ATP8A1: variants seen among roughly 807,000 people sequenced by gnomAD.
The protein encoded by ATP8A1 is phospholipid-transporting ATPase IA.
ATP8A1 carries 90 observed loss-of-function variants against 177.7 expected under a neutral mutation model. The ratio of observed to expected loss-of-function variants is 0.51; its 90% CI spans 0.43 to 0.60. ATP8A1 has a LOEUF of 0.60. Ranked by LOEUF, ATP8A1 falls within the 20% of genes least tolerant of loss-of-function variation. The probability of loss-of-function intolerance (pLI) is 0.00; values close to 1 mark genes in which losing one functional copy is unlikely to be tolerated. For synonymous variants in ATP8A1, 493 were observed against 485.9 expected (o/e 1.01, Z -0.19); for missense variants, 1,072 against 1,392.8 (o/e 0.77, Z 3.67).
intron 14 of ATP8A1, 66 bp downstream of exon 14, chr4:42,574,553 A>C: frequency 1.5e-6 from 2 of 1,335,238 alleles, no homozygotes; most frequent in Non-Finnish European, 2.1e-6. Flanking sequence ...AGAACTCCCA[A>C]ATGTACCAAA....
chr4:42,411,321 G>A lies in ATP8A1; in HGVS notation c.*1595C>T, dbSNP rs925523706. On this transcript the variant is annotated 3_prime_UTR_variant, in exon 37 of 37. Transcript: ENST00000381668. The stretch of plus-strand genomic sequence containing the variant: ...TTGAGAAAAAGGGTGAAAAGAATGT[G>A]AAAATATTAAACTCGAGAAGCGATC... The A allele has an allele frequency of 6.6e-6, 1 of 152,066 alleles. No individual in the cohort carries two copies. The highest frequency in any genetic ancestry group is 1.5e-5 in the Non-Finnish European group (1 of 68,006). 9.4% of individuals were successfully genotyped at this position (152,066 alleles called of 1,614,324 possible).
chr4:42,629,442 T>C (rs1375022551), intron 1 of ATP8A1, among the ~76,000 whole-genome samples: 2 of 152,214 alleles, frequency 1.3e-5, no homozygotes, highest in Non-Finnish European at 2.9e-5. Context: ...CGCTCTGTTG[T>C]GCCCTGACCA....
chr4:42,622,835 C>A (rs1012159260), intron 4 of ATP8A1, among the ~76,000 whole-genome samples: 4 of 151,990 alleles, frequency 2.6e-5, no homozygotes, highest in Admixed American at 6.6e-5. Context: ...CATGAAGAAA[C>A]CCTGTCAGTA....
intron 6 of ATP8A1, among the ~76,000 whole-genome samples, chr4:42,591,331 G>A (rs966863714): frequency 6.0e-5 from 9 of 150,236 alleles, no homozygotes; most frequent in Non-Finnish European, 7.4e-5. Context: ...GAAAAAAAAA[G>A]TATACTAGTC....
At chr4:42,450,525 T>C (rs979025439) in intron 30 of ATP8A1, among the ~76,000 whole-genome samples, 11 of 152,258 alleles carry the variant, frequency 7.2e-5, no homozygotes, top group African/African-American at 2.7e-4. Context: ...ACTAACTCAC[T>C]GTAATTCTCC....
intron 1 of ATP8A1, among the ~76,000 whole-genome samples, chr4:42,632,128 G>C (rs1738801718): frequency 1.3e-5 from 2 of 152,178 alleles, no homozygotes; most frequent in Admixed American, 1.3e-4. Flanking sequence ...GAATGGAACT[G>C]AGCAAGGATC....
At position 42,602,538 on chromosome 4, in the gene ATP8A1, C is replaced by T. The variant is rs550093097; in HGVS notation, c.410-2020G>A. Among the ~76,000 whole-genome samples the T allele has an allele frequency of 3.9e-5, 6 of 152,200 alleles. No homozygotes were observed. The East Asian group carries it at 7.7e-4, about 20-fold the overall frequency. ...CAGCACTTTGGGAGGCCGAGGTGAGCGGATCACCTGAGGTCAGGCGTTCGA... is the reference window on the plus strand; with the variant it reads ...CAGCACTTTGGGAGGCCGAGGTGAGTGGATCACCTGAGGTCAGGCGTTCGA... On this transcript the variant is annotated intron_variant, in intron 5 of 36. Transcript: ENST00000381668.
chr4:42,490,192 C>T (rs1427878668), intron 24 of ATP8A1, among the ~76,000 whole-genome samples: 2 of 152,186 alleles, frequency 1.3e-5, no homozygotes, highest in African/African-American at 2.4e-5. Flanking sequence ...ACCCACAGCA[C>T]CACACAGACA....
chr4:42,628,142 C>T (rs570068876), intron 1 of ATP8A1, among the ~76,000 whole-genome samples: 8 of 152,154 alleles, frequency 5.3e-5, no homozygotes, highest in East Asian at 3.9e-4. Context: ...CAATGTTTGC[C>T]GAATACATAT....
intron 1 of ATP8A1, among the ~76,000 whole-genome samples, chr4:42,630,231 G>A (rs576998464): frequency 6.6e-6 from 1 of 152,216 alleles, no homozygotes; most frequent in South Asian, 2.1e-4. Context: ...TTACCACCCT[G>A]CCCCAAAGAG....
intron 20 of ATP8A1, among the ~76,000 whole-genome samples, chr4:42,539,209 G>T (rs1394015177): frequency 6.6e-6 from 1 of 152,010 alleles, no homozygotes; most frequent in African/African-American, 2.4e-5. Context: ...TAAGCTATGA[G>T]GATGCAAAGA....
At chr4:42,633,701 G>A (rs777674632) in intron 1 of ATP8A1, among the ~76,000 whole-genome samples, 3 of 152,162 alleles carry the variant, frequency 2.0e-5, no homozygotes, top group African/African-American at 4.8e-5. Flanking sequence ...AGGACCCAGC[G>A]AGTAAATATG....
intron 1 of ATP8A1, among the ~76,000 whole-genome samples, chr4:42,656,042 A>G (rs1439119120): frequency 2.0e-5 from 3 of 152,214 alleles, no homozygotes; most frequent in Non-Finnish European, 4.4e-5. Context: ...TGCCTGCCAC[A>G]TGGCAGGCAG....
chr4:42,473,057 G>A (rs1720629362), intron 25 of ATP8A1, among the ~76,000 whole-genome samples: 1 of 152,140 alleles, frequency 6.6e-6, no homozygotes, highest in African/African-American at 2.4e-5. Context: ...AGATAGTAGT[G>A]GGATACTCTG....
chr4:42,551,923 T>A (rs1161727538), intron 17 of ATP8A1, among the ~76,000 whole-genome samples: 1 of 152,128 alleles, frequency 6.6e-6, no homozygotes, highest in African/African-American at 2.4e-5. Context: ...AAAGTTCTCA[T>A]CAAACTGACT....
chr4:42,475,379 T>G (rs942111289), intron 25 of ATP8A1, among the ~76,000 whole-genome samples: 1 of 151,948 alleles, frequency 6.6e-6, no homozygotes, highest in Non-Finnish European at 1.5e-5. Flanking sequence ...GACACAGCAT[T>G]GTTAACCACT....
chr4:42,560,651 C>A (rs1224983369), intron 15 of ATP8A1, among the ~76,000 whole-genome samples: 1 of 151,654 alleles, frequency 6.6e-6, no homozygotes, highest in Non-Finnish European at 1.5e-5. Flanking sequence ...AACACTTAAG[C>A]AAGCAGAATG....
At chr4:42,555,848 A>G in intron 16 of ATP8A1, 120 bp downstream of exon 16, 2 of 693,944 alleles carry the variant, frequency 2.9e-6, no homozygotes, top group South Asian at 4.7e-5. Context: ...CTAACTAAAT[A>G]AATAAATAAA....
intron 4 of ATP8A1, among the ~76,000 whole-genome samples, chr4:42,619,213 T>A (rs1470355441): frequency 6.6e-6 from 1 of 152,118 alleles, no homozygotes; most frequent in Admixed American, 6.6e-5. Flanking sequence ...ATAAGCTCCA[T>A]CACGGCTAGT....
Sources: allele counts gnomAD v4.1 joint callset (sites outside exome capture counted in the v4.1 genomes callset), GRCh38; gene constraint gnomAD v4.1.1; transcripts MANE v1.5; gene names NCBI Gene and HGNC (gene_info 2026-07-23, HGNC 2026-07-21).